HADHB: variants seen among roughly 807,000 people sequenced by gnomAD.
HADHB encodes the protein trifunctional enzyme subunit beta, mitochondrial.
In HADHB, 50 loss-of-function variants were observed where a neutral mutation model predicts 61.9. The observed-to-expected ratio is 0.81, with a 90% confidence interval of 0.64 to 1.02. HADHB has a LOEUF of 1.02. Among genes scored for constraint, HADHB ranks in the 50% least tolerant of loss-of-function variants. The pLI is 0.00. For synonymous variants in HADHB, 191 were observed against 201.6 expected (o/e 0.95, Z 0.45); for missense variants, 504 against 586.5 (o/e 0.86, Z 1.45).
intron 3 of HADHB, among the ~76,000 whole-genome samples, chr2:26,256,542 TATATACAC>T (rs1001718449): frequency 2.6e-5 from 4 of 152,014 alleles, no homozygotes; most frequent in Admixed American, 2.0e-4. Flanking sequence ...TATATATATA[TATATACAC>T]ACACACGTGT....
chr2:26,263,539 CTT>C (rs1671947647), intron 4 of HADHB, 60 bp downstream of exon 4: 1 of 1,046,942 alleles, frequency 9.6e-7, no homozygotes, highest in African/African-American at 1.6e-5. Flanking sequence ...CAAAAGTAGT[CTT>C]TGTAAATGTA....
At chr2:26,262,113 C>T (rs1313887911) in intron 3 of HADHB, among the ~76,000 whole-genome samples, 1 of 152,158 alleles carries the variant, frequency 6.6e-6, no homozygotes, top group African/African-American at 2.4e-5. Flanking sequence ...TGACTATTAA[C>T]TCTCACTAAT....
intron 4 of HADHB, among the ~76,000 whole-genome samples, chr2:26,265,352 T>G (rs145115198): frequency 0.018 from 2,776 of 152,226 alleles, 85 homozygotes; most frequent in African/African-American, 0.063. Flanking sequence ...TCCCAACACT[T>G]TGGGAGGCCA....
At chr2:26,259,409 T>A (rs1188564336) in intron 3 of HADHB, among the ~76,000 whole-genome samples, 3 of 152,154 alleles carry the variant, frequency 2.0e-5, no homozygotes, top group African/African-American at 4.8e-5. Flanking sequence ...TAACGTTTAT[T>A]TCTCCCCTTC....
At chr2:26,247,019 G>A (rs1671194910) in intron 1 of HADHB, among the ~76,000 whole-genome samples, 1 of 152,218 alleles carries the variant, frequency 6.6e-6, no homozygotes, top group Admixed American at 6.5e-5. Flanking sequence ...TACAGCTAGG[G>A]TGAATCAGGA....
intron 1 of HADHB, among the ~76,000 whole-genome samples, chr2:26,253,271 T>C (rs1305062003): frequency 2.7e-5 from 4 of 150,420 alleles, no homozygotes; most frequent in Non-Finnish European, 4.4e-5. Flanking sequence ...TTTTATTGTT[T>C]TGAAACAATA....
chr2:26,263,327 C>G, intron 3 of HADHB, 53 bp from the exon 4 acceptor site: 1 of 1,041,000 alleles, frequency 9.6e-7, no homozygotes, highest in Non-Finnish European at 1.5e-6. Flanking sequence ...TAAAAGTCAT[C>G]AGACTTTATA....
At chr2:26,267,712 C>T (rs1040194511) in intron 4 of HADHB, among the ~76,000 whole-genome samples, 2 of 143,700 alleles carry the variant, frequency 1.4e-5, no homozygotes, top group South Asian at 2.2e-4. Flanking sequence ...GCAGAGGTTG[C>T]GGTGAGCCGA....
Position 26,273,742 on chromosome 2 carries a change from G to T in HADHB, c.346G>T (p.Ala116Ser), listed in dbSNP as rs766228457. ...TCAGGAAGTGAAAACAAGCAATGTG[G>T]CTAGAGAGGTGAGTAAAACAAACTT... ...VIQEVKTSNVAREAALGAGFS... is the reference protein window; with the variant it reads ...VIQEVKTSNVSREAALGAGFS... Residue 116 changes from alanine to serine, a missense_variant, in exon 6 of 16, where the codon GCT becomes TCT. Ala to Ser is a moderately conservative substitution (Grantham distance 99, BLOSUM62 1). Transcript: ENST00000317799. 6 of 1,560,418 alleles carry T rather than the reference G, an allele frequency of 3.8e-6. No individual in the cohort carries two copies. Among genetic ancestry groups the T allele is most frequent in the Non-Finnish European group, 4.4e-6 (5 of 1,131,186 alleles).
intron 15 of HADHB, 40 bp from the exon 16 acceptor site, chr2:26,289,878 C>A: frequency 6.9e-7 from 1 of 1,443,392 alleles, no homozygotes. Context: ...GTGGATTCAT[C>A]ACCATTCATT....
rs767110686 is a variant in HADHB at position 26,269,969 on chromosome 2, C to T, written c.226C>T (p.Pro76Ser). The change falls in exon 5 of 16, where the codon CCA becomes TCA. Residue 76 changes from proline to serine, a missense_variant. Coordinates refer to ENST00000317799, the MANE Select transcript of HADHB (RefSeq NM_000183.3). ...LSGTSYKDLMPHDLARAALTG... is the reference protein window; with the variant it reads ...LSGTSYKDLMSHDLARAALTG... ...GTTCCCCAGATATAAAGACCTGATG[C>T]CACATGATTTGGCTAGAGCAGCGCT... is the stretch of plus-strand genomic sequence containing the variant. 6.2e-7 allele frequency: 1 copy of T among 1,608,368 alleles called. No individual in the cohort carries two copies.
At chr2:26,277,312 A>T in intron 7 of HADHB, 152 bp downstream of exon 7, 1 of 564,892 alleles carries the variant, frequency 1.8e-6, no homozygotes. Flanking sequence ...ATCATAGCTC[A>T]CTGCAGGCTC....
intron 15 of HADHB, among the ~76,000 whole-genome samples, chr2:26,287,927 C>A (rs1451633925): frequency 6.6e-6 from 1 of 152,122 alleles, no homozygotes; most frequent in African/African-American, 2.4e-5. Context: ...CAAATCTGAT[C>A]TAGAGCAAGA....
At position 26,279,120 on chromosome 2, in the gene HADHB, T is replaced by C. The variant is rs767590983; in HGVS notation, c.631-15T>C. The stretch of plus-strand genomic sequence containing the variant: ...GTTAACAGTGTACCTGCTCCTTGGA[T>C]ATCTCCTTTCCCAGCTCCCTGCGGT... On this transcript the variant is annotated splice_polypyrimidine_tract_variant and intron_variant, in intron 8 of 15. Coordinates refer to ENST00000317799, the MANE Select transcript of HADHB (RefSeq NM_000183.3). 9 of 1,607,490 alleles carry C rather than the reference T, an allele frequency of 5.6e-6. No homozygotes were observed. In the African/African-American group the frequency reaches 8.0e-5, roughly 14 times the overall value.
intron 5 of HADHB, among the ~76,000 whole-genome samples, chr2:26,272,332 A>G (rs1474564065): frequency 6.8e-6 from 1 of 146,952 alleles, no homozygotes; most frequent in Non-Finnish European, 1.5e-5. Flanking sequence ...TGTTTTTGAT[A>G]TGGTCCCATT....
At chr2:26,274,503 A>G (rs1021330815) in intron 6 of HADHB, among the ~76,000 whole-genome samples, 11 of 152,198 alleles carry the variant, frequency 7.2e-5, no homozygotes, top group Admixed American at 7.2e-4. Flanking sequence ...AGCAGGACTG[A>G]AAGTATTTGT....
intron 1 of HADHB, among the ~76,000 whole-genome samples, chr2:26,249,563 G>T (rs2147796036): frequency 6.6e-6 from 1 of 152,038 alleles, no homozygotes; most frequent in South Asian, 2.1e-4. Flanking sequence ...GAACTGAAAA[G>T]CACAATGAGA....
intron 4 of HADHB, among the ~76,000 whole-genome samples, chr2:26,264,269 C>T (rs1360647230): frequency 1.3e-5 from 2 of 152,068 alleles, no homozygotes; most frequent in Non-Finnish European, 2.9e-5. Flanking sequence ...AAGGTTCAGG[C>T]TGGGTGCAGT....
At chr2:26,283,086 C>G (rs1291653594) in intron 12 of HADHB, 35 bp downstream of exon 12, 5 of 1,358,528 alleles carry the variant, frequency 3.7e-6, no homozygotes, top group Non-Finnish European at 5.3e-6. Context: ...ACTATAATCA[C>G]AAGTATTTGA....
Sources: allele counts gnomAD v4.1 joint callset (sites outside exome capture counted in the v4.1 genomes callset), GRCh38; gene constraint gnomAD v4.1.1; transcripts MANE v1.5; gene names NCBI Gene and HGNC (gene_info 2026-07-23, HGNC 2026-07-21).